The following SLC25A48 variants were observed in gnomAD, a reference collection of about 807,000 sequenced individuals.
SLC25A48 encodes the protein solute carrier family 25 member 48.
In SLC25A48, 29 loss-of-function variants were observed where a neutral mutation model predicts 32.2. The observed-to-expected ratio is 0.90, with a 90% CI of 0.67 to 1.23. The LOEUF is 1.23. Ranked by LOEUF, SLC25A48 falls within the 50% of genes most tolerant of loss-of-function variation. The probability of loss-of-function intolerance (pLI) is 0.00; values close to 1 mark genes in which losing one functional copy is unlikely to be tolerated. For missense variants in SLC25A48, 399 were observed against 422.7 expected, an observed-to-expected ratio of 0.94 and a Z score of 0.49; for synonymous variants, 164 against 172.3, an observed-to-expected ratio of 0.95 and a Z score of 0.38.
intron 4 of SLC25A48, among the ~76,000 whole-genome samples, chr5:135,869,983 C>T (rs369920059): frequency 2.0e-5 from 3 of 152,154 alleles, no homozygotes; most frequent in Non-Finnish European, 4.4e-5. Flanking sequence ...GAAACCACCC[C>T]CTCAACCTCA....
chr5:135,803,550 G>T (rs1341196306), intron 3 of SLC25A48, among the ~76,000 whole-genome samples: 1 of 151,816 alleles, frequency 6.6e-6, no homozygotes, highest in African/African-American at 2.4e-5. Context: ...ATCACAGTCA[G>T]TGTACACCCT....
At chr5:135,845,196 G>A (rs1053164365) in intron 2 of SLC25A48, among the ~76,000 whole-genome samples, 1 of 152,210 alleles carries the variant, frequency 6.6e-6, no homozygotes, top group Non-Finnish European at 1.5e-5. Flanking sequence ...TGCAGTGCTC[G>A]GCATTCCTTG....
At chr5:135,713,180 A>G (rs943977038) in intron 3 of SLC25A48, among the ~76,000 whole-genome samples, 1 of 152,176 alleles carries the variant, frequency 6.6e-6, no homozygotes, top group African/African-American at 2.4e-5. Context: ...AGACCTTCTG[A>G]ATTGCAACCT....
Position 135,660,242 on chromosome 5 carries a change from C to T in SLC25A48, c.-521+25286C>T, listed in dbSNP as rs373636372. Among the ~76,000 whole-genome samples, 41 of 152,306 alleles carry T rather than the reference C, an allele frequency of 2.7e-4. No homozygotes were observed. In the South Asian group the frequency reaches 8.3e-3, roughly 31 times the overall value. On this transcript the variant is annotated intron_variant, in intron 3 of 10. Coordinates refer to the SLC25A48 transcript ENST00000646290. ...TACCTAGCTTCCCCCATGATAACAT[C>T]TTGCAAAACCATAGTGAAATATCAC...
intron 1 of SLC25A48, among the ~76,000 whole-genome samples, chr5:135,610,146 T>C (rs1274535723): frequency 6.6e-6 from 1 of 152,100 alleles, no homozygotes; most frequent in East Asian, 1.9e-4. Flanking sequence ...AGCTCCAGCA[T>C]GGAGAGCCCA....
intron 1 of SLC25A48, among the ~76,000 whole-genome samples, chr5:135,624,288 C>T (rs1042485596): frequency 2.6e-5 from 4 of 152,054 alleles, no homozygotes; most frequent in East Asian, 3.9e-4. Context: ...GCGAGCAAAC[C>T]GGGGCTACCC....
chr5:135,691,744 C>T (rs1227984198), intron 3 of SLC25A48, among the ~76,000 whole-genome samples: 1 of 152,214 alleles, frequency 6.6e-6, no homozygotes, highest in Non-Finnish European at 1.5e-5. Context: ...TTCGTGCCCA[C>T]ACCTCTAGAG....
chr5:135,886,629 ATATATAT>A (rs1762731568), intron 7 of SLC25A48, among the ~76,000 whole-genome samples: 2 of 26,530 alleles, frequency 7.5e-5, no homozygotes, highest in Admixed American at 3.5e-4. Context: ...ATATATATAT[ATATATAT>A]AAAATATATA....
intron 3 of SLC25A48, among the ~76,000 whole-genome samples, chr5:135,707,681 C>G (rs2126971525): frequency 6.6e-6 from 1 of 151,964 alleles, no homozygotes; most frequent in South Asian, 2.1e-4. Context: ...CCACCTGTGA[C>G]CCCCTTAGCA....
intron 3 of SLC25A48, among the ~76,000 whole-genome samples, chr5:135,733,166 G>A (rs1341432989): frequency 3.9e-5 from 6 of 152,202 alleles, no homozygotes; most frequent in Non-Finnish European, 8.8e-5. Flanking sequence ...TTGTTGAGAG[G>A]TAATGGAGGG....
In SLC25A48 at chr5:135,779,965, G is replaced by A. The variant is rs185075897; in HGVS notation, c.-520-32558G>A. Among the ~76,000 whole-genome samples, 9 of 115,324 alleles carry A rather than the reference G, an allele frequency of 7.8e-5. 2 individuals carry two copies. The East Asian group carries it at 8.6e-4, about 11-fold the overall frequency. 75.7% of individuals were successfully genotyped at this position (115,324 alleles called of 152,430 possible). On this transcript the variant is annotated intron_variant, in intron 3 of 10. Transcript: ENST00000646290. ...AAAGAATAATATTACTCCCAAGTTC[G>A]CAGGGGCATACATCCAATACCCCAT... is the stretch of plus-strand genomic sequence containing the variant.
chr5:135,800,579 G>A (rs190546124), intron 3 of SLC25A48, among the ~76,000 whole-genome samples: 7 of 151,684 alleles, frequency 4.6e-5, no homozygotes, highest in Non-Finnish European at 7.4e-5. Context: ...ATGAAGTTAT[G>A]CCCAATATCG....
intron 4 of SLC25A48, among the ~76,000 whole-genome samples, chr5:135,825,375 C>A (rs1024480785): frequency 2.6e-5 from 4 of 152,202 alleles, no homozygotes; most frequent in African/African-American, 9.6e-5. Flanking sequence ...TATAACATTC[C>A]TAATCACCAC....
At chr5:135,768,714 A>G (rs1339535035) in intron 3 of SLC25A48, among the ~76,000 whole-genome samples, 7 of 151,698 alleles carry the variant, frequency 4.6e-5, no homozygotes, top group African/African-American at 2.4e-5. Context: ...CACCCTTGTT[A>G]TATTTTTCAT....
intron 1 of SLC25A48, among the ~76,000 whole-genome samples, chr5:135,621,746 A>G (rs1752330670): frequency 6.6e-6 from 1 of 152,180 alleles, no homozygotes; most frequent in African/African-American, 2.4e-5. Context: ...AGGTGTTTAC[A>G]GGCATCAGAA....
rs757412641 is a variant in SLC25A48, at chr5:135,721,192, C to CTTTTTTTTTTTTTTTT, written c.-521+86250_-521+86265dup. 1.1e-3 allele frequency among the ~76,000 whole-genome samples: 61 copies of CTTTTTTTTTTTTTTTT among 53,882 alleles called. 13 individuals carry two copies. Among genetic ancestry groups the CTTTTTTTTTTTTTTTT allele is most frequent in the Non-Finnish European group, 1.6e-3 (37 of 23,718 alleles). The allele number at this position is 53,882 out of a possible 152,430, so 35.3% of individuals were successfully genotyped here. On this transcript the variant is annotated intron_variant, in intron 3 of 10. Coordinates refer to the SLC25A48 transcript ENST00000646290. Reference sequence around the variant, plus strand: ...GAGTAGCTGGGACACCATGCCTGGCCTTTTTTTTTTTTTTTTTTTTTTTTT... The same window carrying CTTTTTTTTTTTTTTTT: ...GAGTAGCTGGGACACCATGCCTGGCCTTTTTTTTTTTTTTTTTTTTTTTTTTTTTTTTTTTTTTTTT...
chr5:135,771,393 CG>C (rs1756406778), intron 3 of SLC25A48, among the ~76,000 whole-genome samples: 1 of 151,490 alleles, frequency 6.6e-6, no homozygotes, highest in South Asian at 2.1e-4. Flanking sequence ...TCATATATCA[CG>C]GGGGGTGTTC....
At position 135,768,576 on chromosome 5, in the gene SLC25A48, A is replaced by G. The variant is rs142848347; in HGVS notation, c.-520-43947A>G. Among the ~76,000 whole-genome samples the G allele has an allele frequency of 3.2e-3, 485 of 151,734 alleles. 8 individuals are homozygous for G. Among genetic ancestry groups the G allele is most frequent in the East Asian group, 0.022 (114 of 5,126 alleles). ...TACACCCCTCTGTGACATAGTTCATAATATCCAGAAGAGGAGCGGATGATG... is the reference window on the plus strand; with the variant it reads ...TACACCCCTCTGTGACATAGTTCATGATATCCAGAAGAGGAGCGGATGATG... On this transcript the variant is annotated intron_variant, in intron 3 of 10. Coordinates refer to the SLC25A48 transcript ENST00000646290.
At chr5:135,658,313 A>C (rs996441694) in intron 3 of SLC25A48, among the ~76,000 whole-genome samples, 7 of 152,204 alleles carry the variant, frequency 4.6e-5, no homozygotes, top group African/African-American at 4.8e-5. Context: ...CCAGCAAGGC[A>C]GTCATTAAAT....
Sources: allele counts gnomAD v4.1 joint callset (sites outside exome capture counted in the v4.1 genomes callset), GRCh38; gene constraint gnomAD v4.1.1; transcripts MANE v1.5; gene names NCBI Gene and HGNC (gene_info 2026-07-23, HGNC 2026-07-21).